Variants in SAMD12 observed in about 807,000 individuals in gnomAD.
The protein encoded by SAMD12 is sterile alpha motif domain-containing protein 12.
A neutral mutation model predicts 15.0 loss-of-function variants in SAMD12; 9 were observed. The observed-to-expected ratio is 0.60, with a 90% CI of 0.36 to 1.05. The LOEUF (loss-of-function observed/expected upper bound fraction) is 1.05, where lower values mean the gene tolerates loss of function less well. Ranked by LOEUF, SAMD12 falls within the 50% of genes least tolerant of loss-of-function variation. SAMD12 has a pLI of 0.01. For missense variants in SAMD12, 230 were observed against 234.2 expected (o/e 0.98, Z 0.12); for synonymous variants, 86 against 90.1 (o/e 0.96, Z 0.25).
intron 4 of SAMD12, among the ~76,000 whole-genome samples, chr8:118,267,283 A>C (rs1340545198): frequency 6.6e-6 from 1 of 152,218 alleles, no homozygotes; most frequent in African/African-American, 2.4e-5. Context: ...ACTAGACTTC[A>C]TAAATGCCCA....
At chr8:118,133,024 A>ATCTATC in the SAMD12 span, among the ~76,000 whole-genome samples, 1 of 100,758 alleles carries the variant, frequency 9.9e-6, no homozygotes, top group African/African-American at 3.7e-5. Context: ...ATATATATAT[A>ATCTATC]TATCTTATTA....
chr8:118,583,577 C>A (rs1342602530), intron 1 of SAMD12, among the ~76,000 whole-genome samples: 1 of 151,962 alleles, frequency 6.6e-6, no homozygotes, highest in African/African-American at 2.4e-5. Context: ...TATTCTCTTC[C>A]CCTATCACCT....
chr8:118,339,129 A>G (rs1817221513), intron 4 of SAMD12, among the ~76,000 whole-genome samples: 1 of 152,148 alleles, frequency 6.6e-6, no homozygotes, highest in African/African-American at 2.4e-5. Flanking sequence ...CAGGAGTTTG[A>G]GACCAGCCTG....
chr8:118,534,039 G>C (rs144782550), intron 2 of SAMD12, among the ~76,000 whole-genome samples: 1 of 152,052 alleles, frequency 6.6e-6, no homozygotes, highest in South Asian at 2.1e-4. Context: ...TCCTAGCTTC[G>C]ATGGTCTTTA....
intron 2 of SAMD12, among the ~76,000 whole-genome samples, chr8:118,508,417 C>T (rs1213625025): frequency 6.6e-6 from 1 of 152,026 alleles, no homozygotes; most frequent in Non-Finnish European, 1.5e-5. Flanking sequence ...AGTCAAAAGA[C>T]TAAAGCAGCC....
At chr8:118,343,205 C>T (rs1048789760) in intron 4 of SAMD12, among the ~76,000 whole-genome samples, 2 of 152,070 alleles carry the variant, frequency 1.3e-5, no homozygotes, top group Non-Finnish European at 2.9e-5. Context: ...CTCCTCTACT[C>T]AGCCACTTCC....
intron 3 of SAMD12, among the ~76,000 whole-genome samples, chr8:118,405,127 G>C (rs1435498812): frequency 6.6e-6 from 1 of 152,122 alleles, no homozygotes; most frequent in African/African-American, 2.4e-5. Context: ...GGAGAAACTG[G>C]AACTATCCTA....
At chr8:118,613,220 A>C (rs531302104) in intron 1 of SAMD12, among the ~76,000 whole-genome samples, 2 of 152,360 alleles carry the variant, frequency 1.3e-5, no homozygotes, top group Non-Finnish European at 2.9e-5. Flanking sequence ...CTAAAGTTTA[A>C]AACCAATTTA....
At chr8:118,228,954 G>T (rs1346930552) in intron 4 of SAMD12, among the ~76,000 whole-genome samples, 1 of 152,158 alleles carries the variant, frequency 6.6e-6, no homozygotes, top group Non-Finnish European at 1.5e-5. Context: ...ATACTACTCT[G>T]CCATAAAAAG....
intron 4 of SAMD12, among the ~76,000 whole-genome samples, chr8:118,338,369 G>T (rs763435992): frequency 1.3e-5 from 2 of 152,166 alleles, no homozygotes; most frequent in African/African-American, 4.8e-5. Flanking sequence ...AATAGTTTCT[G>T]CAGCTATTTA....
rs141650516 is a variant in SAMD12, at chr8:118,548,534, T to C, written c.192+32181A>G. On this transcript the variant is annotated intron_variant, in intron 2 of 3. Coordinates refer to ENST00000314727, the MANE Select transcript of SAMD12 (RefSeq NM_207506.3). ...AAAGGTATTTGTTAACATCTACAAC[T>C]GGAGGGGAGGAGCCAAGATGGCCGA... 3.0e-4 allele frequency among the ~76,000 whole-genome samples: 46 copies of C among 152,212 alleles called. No homozygotes were observed. The East Asian group carries it at 4.8e-3, about 16-fold the overall frequency.
intron 4 of SAMD12, among the ~76,000 whole-genome samples, chr8:118,334,823 G>A (rs906918206): frequency 6.6e-6 from 1 of 152,070 alleles, no homozygotes; most frequent in African/African-American, 2.4e-5. Flanking sequence ...TCTCGAACTG[G>A]TCTCAAGCCA....
Position 118,618,743 on chromosome 8 carries a change from G to T in SAMD12, c.13+3061C>A, listed in dbSNP as rs541968590. On this transcript the variant is annotated intron_variant, in intron 1 of 3. Coordinates refer to ENST00000314727, the MANE Select transcript of SAMD12 (RefSeq NM_207506.3). ...TAGCCCAGCTACTCGGGAGGCTGAGGCAGGAAAATGGCGTGAACCCGGGAG... is the reference window on the plus strand; with the variant it reads ...TAGCCCAGCTACTCGGGAGGCTGAGTCAGGAAAATGGCGTGAACCCGGGAG... Among the ~76,000 whole-genome samples the T allele has an allele frequency of 4.6e-5, 7 of 151,850 alleles. No homozygotes were observed. In the East Asian group the frequency reaches 1.2e-3, roughly 25 times the overall value.
chr8:118,258,378 A>C (rs1249478188), intron 4 of SAMD12, among the ~76,000 whole-genome samples: 4 of 152,058 alleles, frequency 2.6e-5, no homozygotes, highest in Non-Finnish European at 5.9e-5. Flanking sequence ...CACACCTTAC[A>C]TGAGTTTATT....
At chr8:118,279,776 T>C (rs1368501265) in intron 4 of SAMD12, among the ~76,000 whole-genome samples, 4 of 152,256 alleles carry the variant, frequency 2.6e-5, no homozygotes, top group Non-Finnish European at 5.9e-5. Flanking sequence ...CTGATTTCTA[T>C]GCAGCACAAT....
chr8:118,452,906 A>G (rs1042258565), intron 2 of SAMD12, among the ~76,000 whole-genome samples: 27 of 152,126 alleles, frequency 1.8e-4, no homozygotes, highest in African/African-American at 6.5e-4. Flanking sequence ...TTAGTCTCTA[A>G]TTTATCATAT....
At chr8:118,382,016 G>C (rs1031934872) in intron 3 of SAMD12, among the ~76,000 whole-genome samples, 1 of 152,180 alleles carries the variant, frequency 6.6e-6, no homozygotes, top group African/African-American at 2.4e-5. Flanking sequence ...GCAGTCCAAT[G>C]CTCTGCTCAC....
At chr8:118,375,997 A>G (rs1306597842), downstream of SAMD12, 1 of 152,144 alleles carries the variant, frequency 6.6e-6, no homozygotes, top group Non-Finnish European at 1.5e-5. Flanking sequence ...CAGAGATCCT[A>G]CCATATTAGT....
At chr8:118,416,284 T>C (rs1007649134) in intron 3 of SAMD12, among the ~76,000 whole-genome samples, 4 of 152,212 alleles carry the variant, frequency 2.6e-5, no homozygotes, top group African/African-American at 9.6e-5. Flanking sequence ...ATATTAACTA[T>C]TGTTATTATT....
Sources: gnomAD v4.1 joint callset for allele counts (sites outside exome capture counted in the v4.1 genomes callset) on GRCh38, gnomAD v4.1.1 for gene constraint, MANE v1.5 for transcripts, NCBI Gene and HGNC (gene_info 2026-07-23, HGNC 2026-07-21) for gene names.